EXD1: variants seen among roughly 807,000 people sequenced by gnomAD.
EXD1 encodes piRNA biogenesis protein EXD1.
A neutral mutation model predicts 49.1 loss-of-function variants in EXD1; 63 were observed. That is an observed-to-expected ratio of 1.28 (90% confidence interval 1.05 to 1.58). The LOEUF (loss-of-function observed/expected upper bound fraction) is 1.58, where lower values mean the gene tolerates loss of function less well. Among genes scored for constraint, EXD1 ranks in the 40% most tolerant of loss-of-function variants. The pLI is 0.00. For synonymous variants in EXD1, 234 were observed against 239.2 expected, an observed-to-expected ratio of 0.98 and a Z score of 0.20; for missense variants, 748 against 666.0, an observed-to-expected ratio of 1.12 and a Z score of -1.36.
chr15:41,203,223 GT>G (rs1489411094), intron 7 of EXD1, among the ~76,000 whole-genome samples: 1 of 152,084 alleles, frequency 6.6e-6, no homozygotes, highest in Non-Finnish European at 1.5e-5. Flanking sequence ...TGGGCTGAAG[GT>G]TTATATGAGG....
At chr15:41,230,151 T>C (rs569347947) in intron 1 of EXD1, among the ~76,000 whole-genome samples, 1 of 147,886 alleles carries the variant, frequency 6.8e-6, no homozygotes, top group East Asian at 2.0e-4. Context: ...TGCCGCGATC[T>C]CGGCTCACTG....
In EXD1 at chr15:41,219,907, G is replaced by A. The variant is rs184798800; in HGVS notation, c.134-9C>T. The A allele has an allele frequency of 5.2e-6, 8 of 1,527,172 alleles. No homozygotes were observed. In the Admixed American group the frequency reaches 1.6e-4, roughly 31 times the overall value. 94.6% of individuals were successfully genotyped at this position (1,527,172 alleles called of 1,614,324 possible). On this transcript the variant is annotated splice_polypyrimidine_tract_variant and intron_variant, in intron 2 of 11. Transcript: ENST00000458580. ...TGTCTCCACATTCTTCACTGTTACAGAAAACAATTCATTCAGTTAATTAAA... is the reference window on the plus strand; with the variant it reads ...TGTCTCCACATTCTTCACTGTTACAAAAAACAATTCATTCAGTTAATTAAA...
chr15:41,200,737 G>A lies in EXD1; in HGVS notation c.535-4700C>T, dbSNP rs1037758822. 5.9e-5 allele frequency among the ~76,000 whole-genome samples: 9 copies of A among 152,124 alleles called. No homozygotes were observed. The East Asian group carries it at 1.7e-3, about 29-fold the overall frequency. Reference sequence around the variant, plus strand: ...TGGGACTGAGCCCTCAATCTGTGGGGTCTGACACTATTTCCAGGTAAACAG... The same window carrying A: ...TGGGACTGAGCCCTCAATCTGTGGGATCTGACACTATTTCCAGGTAAACAG... On this transcript the variant is annotated intron_variant, in intron 7 of 11. Transcript: ENST00000458580.
chr15:41,216,924 T>C, intron 4 of EXD1, 129 bp from the exon 5 acceptor site: 1 of 1,407,908 alleles, frequency 7.1e-7, no homozygotes, highest in South Asian at 1.3e-5. Context: ...CATCCACTGC[T>C]TACATTGACT....
intron 7 of EXD1, among the ~76,000 whole-genome samples, chr15:41,199,722 T>TAATATATCA (rs1555414678): frequency 4.2e-5 from 4 of 94,600 alleles, no homozygotes; most frequent in South Asian, 6.7e-4. Flanking sequence ...ATATGATATA[T>TAATATATCA]TATATATGAT....
rs1208762697 is a variant in EXD1 at position 41,189,959 on chromosome 15, G to A, written c.1034C>T (p.Ala345Val). The change falls in exon 11 of 12, where the codon GCA (alanine) becomes GTA (valine). Residue 345 changes from alanine (A) to valine (V), a missense_variant. Coordinates refer to ENST00000458580, the MANE Select transcript of EXD1 (RefSeq NM_001286441.2). ...GYLNTYREGS[A>V]DRLGGTEPTC... The stretch of plus-strand genomic sequence containing the variant: ...TACCTCAGTGCCTCCAAGCCGGTCT[G>A]CAGACCCTTCGCGATACGTGTTTAG... The A allele has an allele frequency of 1.9e-6, 3 of 1,613,940 alleles. No homozygotes were observed. Among genetic ancestry groups the A allele is most frequent in the African/African-American group, 2.7e-5 (2 of 74,922 alleles).
intron 10 of EXD1, among the ~76,000 whole-genome samples, chr15:41,190,764 T>A (rs74760366): frequency 4.2e-4 from 64 of 152,272 alleles, no homozygotes; most frequent in Non-Finnish European, 7.5e-4. Context: ...TGCAAGGATG[T>A]CAGAAGGTAA....
At chr15:41,223,243 A>AC (rs1180036169) in intron 2 of EXD1, among the ~76,000 whole-genome samples, 2 of 151,796 alleles carry the variant, frequency 1.3e-5, no homozygotes, top group Non-Finnish European at 2.9e-5. Context: ...ACACAGGGAG[A>AC]CCCCATCTCT....
Position 41,184,199 on chromosome 15 carries a change from T to C in EXD1, c.1451A>G (p.Gln484Arg). The change falls in exon 12 of 12, where the codon CAG (glutamine) becomes CGG (arginine). Residue 484 changes from glutamine (Q) to arginine (R), a missense_variant. Transcript: ENST00000458580. ...TTTGGGTGTCATAAAGTGTTCTTTC[T>C]GAGTTATTCTCTGGTCCTCTGACCC... ...SKGSEDQRITQKEHFMTPKHE... is the reference protein window; with the variant it reads ...SKGSEDQRITRKEHFMTPKHE... 6.2e-7 allele frequency: 1 copy of C among 1,614,254 alleles called. No individual in the cohort carries two copies. The highest frequency in any genetic ancestry group is 8.5e-7 in the Non-Finnish European group (1 of 1,180,044).
chr15:41,203,856 G>A (rs1385075909), intron 7 of EXD1, among the ~76,000 whole-genome samples: 2 of 136,634 alleles, frequency 1.5e-5, no homozygotes, highest in African/African-American at 2.9e-5. Context: ...GGTGGAGGCT[G>A]CAGTGAGCCA....
At chr15:41,189,820 A>T (rs1189058390) in intron 11 of EXD1, 117 bp downstream of exon 11, 12 of 987,360 alleles carry the variant, frequency 1.2e-5, no homozygotes, top group Non-Finnish European at 1.8e-5. Flanking sequence ...CTTCAAGAGT[A>T]TTTATCCCCA....
At chr15:41,196,698 T>TGGAGCCTGTAATCCCAGCTACTTGG (rs2046619974) in intron 7 of EXD1, among the ~76,000 whole-genome samples, 1 of 152,016 alleles carries the variant, frequency 6.6e-6, no homozygotes, top group Non-Finnish European at 1.5e-5. Context: ...CCCAAAGTGC[T>TGGAGCCTGTAATCCCAGCTACTTGG]GGGATTACAG....
intron 6 of EXD1, among the ~76,000 whole-genome samples, chr15:41,211,775 CACA>C (rs2046924460): frequency 7.4e-6 from 1 of 135,380 alleles, no homozygotes; most frequent in Non-Finnish European, 1.5e-5. Flanking sequence ...GCTTGGGGAA[CACA>C]ACAAGACCTC....
Position 41,184,556 on chromosome 15 carries a change from A to C in EXD1, c.1094T>G (p.Leu365Arg). 1 of 1,604,356 alleles carries C rather than the reference A, an allele frequency of 6.2e-7. No individual in the cohort carries two copies. The highest frequency in any genetic ancestry group is 8.5e-7 in the Non-Finnish European group (1 of 1,177,422). ...CCTGCGCTGCTTCTGGAAGTCCTTGAGTTGAAGCAGTTCCTCTGGCAGCTC... is the reference window on the plus strand; with the variant it reads ...CCTGCGCTGCTTCTGGAAGTCCTTGCGTTGAAGCAGTTCCTCTGGCAGCTC... ...CMELPEELLQ[L>R]KDFQKQRREK... is the part of the protein sequence containing the mutation. The change falls in exon 12 of 12, where the codon CTC becomes CGC. Residue 365 changes from leucine (L) to arginine (R), a missense_variant. Coordinates refer to ENST00000458580, the MANE Select transcript of EXD1 (RefSeq NM_001286441.2).
At chr15:41,230,154 G>A (rs1467732660) in intron 1 of EXD1, among the ~76,000 whole-genome samples, 1 of 150,276 alleles carries the variant, frequency 6.7e-6, no homozygotes, top group Non-Finnish European at 1.5e-5. Context: ...CGCGATCTCG[G>A]CTCACTGCAA....
intron 7 of EXD1, among the ~76,000 whole-genome samples, chr15:41,200,851 C>G (rs1176577823): frequency 1.3e-5 from 2 of 151,934 alleles, no homozygotes; most frequent in Non-Finnish European, 2.9e-5. Context: ...GAAACAACCC[C>G]CACACATCTG....
At chr15:41,194,173 G>A (rs1488195359) in intron 9 of EXD1, among the ~76,000 whole-genome samples, 1 of 151,648 alleles carries the variant, frequency 6.6e-6, no homozygotes, top group Non-Finnish European at 1.5e-5. Context: ...CACCATGCCC[G>A]GCTAATTTTT....
intron 6 of EXD1, among the ~76,000 whole-genome samples, chr15:41,209,833 C>G (rs909035338): frequency 2.0e-5 from 3 of 151,922 alleles, no homozygotes; most frequent in Admixed American, 1.3e-4. Flanking sequence ...TCACTCAGAC[C>G]CCAAATGACA....
chr15:41,196,560 C>G (rs1012466367), intron 7 of EXD1, among the ~76,000 whole-genome samples: 1 of 151,792 alleles, frequency 6.6e-6, no homozygotes, highest in Non-Finnish European at 1.5e-5. Flanking sequence ...TCATGATCCA[C>G]CCGCCTTGGC....
Sources: gnomAD v4.1 joint callset for allele counts (sites outside exome capture counted in the v4.1 genomes callset) on GRCh38, gnomAD v4.1.1 for gene constraint, MANE v1.5 for transcripts, NCBI Gene and HGNC (gene_info 2026-07-23, HGNC 2026-07-21) for gene names.